Variants in VSNL1 observed in about 807,000 individuals in gnomAD.
VSNL1 encodes the protein visinin-like protein 1.
A neutral mutation model predicts 20.4 loss-of-function variants in VSNL1; 6 were observed. That is an observed-to-expected ratio of 0.29 (90% CI 0.16 to 0.58). The LOEUF is 0.58. Among genes scored for constraint, VSNL1 ranks in the 20% least tolerant of loss-of-function variants. The pLI is 0.90. For missense variants in VSNL1, 100 were observed against 234.5 expected, an observed-to-expected ratio of 0.43 and a Z score of 3.75; for synonymous variants, 93 against 86.4, an observed-to-expected ratio of 1.08 and a Z score of -0.42.
chr2:17,652,634 A>G (rs936073508), intron 3 of VSNL1, among the ~76,000 whole-genome samples: 15 of 152,242 alleles, frequency 9.9e-5, no homozygotes, highest in African/African-American at 7.2e-5. Flanking sequence ...CAAGGTATTT[A>G]GCAAGCTCTT....
chr2:17,610,960 A>G (rs1012563567), intron 2 of VSNL1, among the ~76,000 whole-genome samples: 30 of 152,344 alleles, frequency 2.0e-4, no homozygotes, highest in African/African-American at 6.5e-4. Flanking sequence ...GGTAGTTTTC[A>G]GAAAAATAAA....
chr2:17,556,789 T>A (rs1198792934), intron 1 of VSNL1, among the ~76,000 whole-genome samples: 1 of 152,188 alleles, frequency 6.6e-6, no homozygotes, highest in African/African-American at 2.4e-5. Flanking sequence ...ATTCTCAATA[T>A]ATATGCATTG....
intron 3 of VSNL1, among the ~76,000 whole-genome samples, chr2:17,652,319 A>G (rs1272584637): frequency 6.6e-6 from 1 of 152,250 alleles, no homozygotes; most frequent in African/African-American, 2.4e-5. Flanking sequence ...TAAAAAAGGA[A>G]AAGTGAGAAG....
At chr2:17,650,062 C>T (rs1666091822) in intron 3 of VSNL1, among the ~76,000 whole-genome samples, 1 of 152,148 alleles carries the variant, frequency 6.6e-6, no homozygotes, top group African/African-American at 2.4e-5. Flanking sequence ...TTGTGAGTAA[C>T]CCAGGATTCC....
intron 2 of VSNL1, among the ~76,000 whole-genome samples, chr2:17,601,027 T>C (rs1664809331): frequency 6.6e-6 from 1 of 152,174 alleles, no homozygotes; most frequent in Non-Finnish European, 1.5e-5. Flanking sequence ...TGTGAAGTTA[T>C]TTTGGATGGC....
At chr2:17,579,305 C>T (rs1254137441) in intron 1 of VSNL1, among the ~76,000 whole-genome samples, 4 of 151,962 alleles carry the variant, frequency 2.6e-5, no homozygotes, top group Non-Finnish European at 5.9e-5. Context: ...TTAGTAGGGA[C>T]GGGGTTTCAC....
At chr2:17,550,238 CCT>C (rs1663500769) in intron 1 of VSNL1, among the ~76,000 whole-genome samples, 1 of 152,018 alleles carries the variant, frequency 6.6e-6, no homozygotes, top group Non-Finnish European at 1.5e-5. Flanking sequence ...AAATATGTCC[CCT>C]GTCTTCTCCC....
Position 17,640,252 on chromosome 2 carries a change from CA to C in VSNL1, c.163-9141del, listed in dbSNP as rs60583462. ...TGGGCAACAGAGCGAGACTCTGTTT[CA>C]AAAAAAAAAAAAAAAAGAAAGAAAA... On this transcript the variant is annotated intron_variant, in intron 2 of 3. Coordinates refer to ENST00000295156, the MANE Select transcript of VSNL1 (RefSeq NM_003385.5). Among the ~76,000 whole-genome samples the C allele has an allele frequency of 8.6e-3, 849 of 98,804 alleles. 8 individuals carry two copies. Among genetic ancestry groups the C allele is most frequent in the South Asian group, 0.021 (48 of 2,270 alleles). 64.8% of individuals were successfully genotyped at this position (98,804 alleles called of 152,430 possible).
intron 2 of VSNL1, among the ~76,000 whole-genome samples, chr2:17,622,523 GAAAGAAAGA>G (rs1427568935): frequency 9.9e-5 from 8 of 80,568 alleles, no homozygotes; most frequent in Admixed American, 1.4e-4. Flanking sequence ...AGAAAGAAAA[GAAAGAAAGA>G]AAAGAAAGAA....
At chr2:17,586,760 T>C (rs1367847402) in intron 1 of VSNL1, among the ~76,000 whole-genome samples, 1 of 152,056 alleles carries the variant, frequency 6.6e-6, no homozygotes, top group East Asian at 1.9e-4. Context: ...CAATATCAAA[T>C]ACAAGGAAAA....
intron 2 of VSNL1, among the ~76,000 whole-genome samples, chr2:17,597,511 C>G (rs58455704): frequency 0.084 from 12,749 of 152,234 alleles, 556 homozygotes; most frequent in East Asian, 0.13. Context: ...AGGCCACTGA[C>G]AGGTGCACCT....
intron 1 of VSNL1, among the ~76,000 whole-genome samples, chr2:17,551,473 C>T (rs1663534097): frequency 6.6e-6 from 1 of 152,126 alleles, no homozygotes; most frequent in Admixed American, 6.5e-5. Context: ...GGAAGGGAGG[C>T]ATGATAGAGC....
At chr2:17,622,573 AAAGAAAGAAAG>A (rs1665401527) in intron 2 of VSNL1, among the ~76,000 whole-genome samples, 1 of 143,072 alleles carries the variant, frequency 7.0e-6, no homozygotes, top group Non-Finnish European at 1.6e-5. Context: ...AGAAAGAAAG[AAAGAAAGAAAG>A]AAAGAAAGAA....
intron 2 of VSNL1, among the ~76,000 whole-genome samples, chr2:17,594,553 C>T (rs148698962): frequency 1.3e-5 from 2 of 152,184 alleles, no homozygotes; most frequent in African/African-American, 4.8e-5. Context: ...AAATATTCAG[C>T]AAGACACGGT....
chr2:17,642,804 C>T (rs115048316), intron 2 of VSNL1, among the ~76,000 whole-genome samples: 372 of 152,356 alleles, frequency 2.4e-3, no homozygotes, highest in African/African-American at 8.5e-3. Context: ...AAAGCCCCTT[C>T]TCTAGAAATT....
intron 1 of VSNL1, among the ~76,000 whole-genome samples, chr2:17,581,696 TC>T (rs1426514151): frequency 6.6e-6 from 1 of 152,196 alleles, no homozygotes; most frequent in Non-Finnish European, 1.5e-5. Context: ...CTCTCTCTCT[TC>T]CTCATGACAC....
intron 3 of VSNL1, among the ~76,000 whole-genome samples, chr2:17,654,745 G>C (rs916143918): frequency 1.3e-5 from 2 of 152,102 alleles, no homozygotes; most frequent in Non-Finnish European, 2.9e-5. Context: ...CTTATCCTAG[G>C]AAAACTCGGT....
At chr2:17,579,631 C>T (rs1299041330) in intron 1 of VSNL1, among the ~76,000 whole-genome samples, 1 of 152,148 alleles carries the variant, frequency 6.6e-6, no homozygotes, top group African/African-American at 2.4e-5. Context: ...CAGACTTTTG[C>T]AAAGGTCACA....
chr2:17,627,207 A>T (rs1665532400), intron 2 of VSNL1, among the ~76,000 whole-genome samples: 1 of 152,216 alleles, frequency 6.6e-6, no homozygotes, highest in African/African-American at 2.4e-5. Context: ...GTTCATTTGC[A>T]TGCATAGCAA....
Sources: allele counts gnomAD v4.1 joint callset (sites outside exome capture counted in the v4.1 genomes callset), GRCh38; gene constraint gnomAD v4.1.1; transcripts MANE v1.5; gene names NCBI Gene and HGNC (gene_info 2026-07-23, HGNC 2026-07-21).